The following KCNMA1 variants were observed in gnomAD, a reference collection of about 807,000 sequenced individuals.
The protein encoded by KCNMA1 is Calcium-activated potassium channel subunit alpha-1.
A neutral mutation model predicts 140.0 loss-of-function variants in KCNMA1; 29 were observed. That is an observed-to-expected ratio of 0.21 (90% CI 0.15 to 0.28). The LOEUF is 0.28. KCNMA1 is among the 10% of genes least tolerant of loss of function. The pLI is 1.00. For missense variants in KCNMA1, 880 were observed against 1,602.2 expected, an observed-to-expected ratio of 0.55 and a Z score of 7.70; for synonymous variants, 612 against 611.9, an observed-to-expected ratio of 1.00 and a Z score of 0.00.
At chr10:77,027,701 G>T in intron 16 of KCNMA1, 122 bp downstream of exon 16, 4 of 854,390 alleles carry the variant, frequency 4.7e-6, no homozygotes, top group Admixed American at 1.7e-5. Context: ...GGTCAGAGAG[G>T]TTTTACATCT....
At chr10:77,057,982 T>C (rs2095603111) in intron 14 of KCNMA1, among the ~76,000 whole-genome samples, 1 of 151,860 alleles carries the variant, frequency 6.6e-6, no homozygotes, top group African/African-American at 2.4e-5. Context: ...AGAATCGATT[T>C]TTAAAAAATC....
At chr10:77,001,339 A>G in intron 19 of KCNMA1, 68 bp downstream of exon 19, 3 of 1,424,916 alleles carry the variant, frequency 2.1e-6, no homozygotes, top group Non-Finnish European at 2.9e-6. Flanking sequence ...CACAGGGCAC[A>G]GCACAAGACA....
chr10:77,064,997 G>T (rs2095875641), intron 14 of KCNMA1, among the ~76,000 whole-genome samples: 1 of 152,278 alleles, frequency 6.6e-6, no homozygotes, highest in East Asian at 1.9e-4. Context: ...CAGTAGCAAA[G>T]AAAGAAGTTT....
At chr10:77,270,713 G>T (rs1243357576) in intron 2 of KCNMA1, among the ~76,000 whole-genome samples, 4 of 151,064 alleles carry the variant, frequency 2.6e-5, no homozygotes, top group African/African-American at 9.7e-5. Flanking sequence ...CAGTAGAGTT[G>T]GGGTTTCACT....
At chr10:77,516,444 C>G (rs192273411) in intron 1 of KCNMA1, among the ~76,000 whole-genome samples, 6 of 152,360 alleles carry the variant, frequency 3.9e-5, no homozygotes, top group Admixed American at 3.9e-4. Flanking sequence ...TCTGTCTCCA[C>G]TACTAGACCT....
At chr10:77,607,325 A>C (rs1483924698) in intron 1 of KCNMA1, among the ~76,000 whole-genome samples, 1 of 152,178 alleles carries the variant, frequency 6.6e-6, no homozygotes, top group East Asian at 1.9e-4. Context: ...CTTCCTGCTT[A>C]GCATGCCTCA....
chr10:77,333,155 G>A (rs975919168), intron 2 of KCNMA1, among the ~76,000 whole-genome samples: 1 of 152,156 alleles, frequency 6.6e-6, no homozygotes, highest in Non-Finnish European at 1.5e-5. Context: ...AGATGGCATA[G>A]AGCAGGATGT....
chr10:76,984,310 T>C (rs2080530615), intron 19 of KCNMA1, among the ~76,000 whole-genome samples: 1 of 152,104 alleles, frequency 6.6e-6, no homozygotes, highest in Admixed American at 6.5e-5. Flanking sequence ...CAAGCAACTC[T>C]AGTGTCTCAG....
At chr10:77,156,586 G>T (rs188810845) in intron 5 of KCNMA1, among the ~76,000 whole-genome samples, 2 of 152,282 alleles carry the variant, frequency 1.3e-5, no homozygotes, top group South Asian at 4.1e-4. Flanking sequence ...TAAAACTAAC[G>T]AAAGGCCATA....
chr10:77,037,822 G>A (rs865868870), intron 15 of KCNMA1, among the ~76,000 whole-genome samples: 9 of 152,052 alleles, frequency 5.9e-5, no homozygotes, highest in Non-Finnish European at 1.3e-4. Context: ...GCTTTCCCCC[G>A]GGGCTTTGTA....
chr10:77,456,886 C>T (rs2097770508), intron 1 of KCNMA1, among the ~76,000 whole-genome samples: 1 of 152,198 alleles, frequency 6.6e-6, no homozygotes, highest in Non-Finnish European at 1.5e-5. Context: ...GGACCCTAGA[C>T]CAAGAGTATA....
rs761936116 is a variant in KCNMA1, at chr10:77,079,484, G to A, written c.1590C>T (p.Asn530=). The A allele has an allele frequency of 6.2e-7, 1 of 1,609,212 alleles. No individual in the cohort carries two copies. The highest frequency in any genetic ancestry group is 8.5e-7 in the Non-Finnish European group (1 of 1,175,800). ...GAGCGGGCTCTCGCACTCCTACCTTGTTGTGATACTGCAGCATTTGAGTGA... is the reference window on the plus strand; with the variant it reads ...GAGCGGGCTCTCGCACTCCTACCTTATTGTGATACTGCAGCATTTGAGTGA... The part of the protein sequence containing the change: ...RIITQMLQYH[N]KAHLLNIPSW... Residue 530 remains asparagine (N), a synonymous_variant, in exon 13 of 28, where the codon AAC becomes AAT. Transcript: ENST00000286628.
intron 22 of KCNMA1, among the ~76,000 whole-genome samples, chr10:76,947,396 C>A (rs1328819824): frequency 6.6e-6 from 1 of 151,962 alleles, no homozygotes; most frequent in East Asian, 1.9e-4. Context: ...AGGAAACATA[C>A]ACAAACACAC....
intron 1 of KCNMA1, among the ~76,000 whole-genome samples, chr10:77,483,315 G>C (rs1720340886): frequency 6.6e-6 from 1 of 152,188 alleles, no homozygotes; most frequent in South Asian, 2.1e-4. Flanking sequence ...GCAGTTTTCT[G>C]GAAAAATAGA....
chr10:76,890,906 G>A (rs948920929), intron 26 of KCNMA1, among the ~76,000 whole-genome samples: 3 of 152,234 alleles, frequency 2.0e-5, no homozygotes, highest in Non-Finnish European at 2.9e-5. Flanking sequence ...AGGCATTAAA[G>A]GATCCACATA....
At chr10:77,446,493 G>A (rs1379657494) in intron 1 of KCNMA1, among the ~76,000 whole-genome samples, 1 of 152,200 alleles carries the variant, frequency 6.6e-6, no homozygotes, top group Non-Finnish European at 1.5e-5. Flanking sequence ...GAATGAAAGG[G>A]CCCAGGGAGA....
At chr10:77,577,466 G>T (rs78594672) in intron 1 of KCNMA1, among the ~76,000 whole-genome samples, 2,230 of 152,184 alleles carry the variant, frequency 0.015, 62 homozygotes, top group African/African-American at 0.051. Flanking sequence ...CTCCTTCCAA[G>T]ATCCAGGTTT....
intron 23 of KCNMA1, among the ~76,000 whole-genome samples, chr10:76,918,903 CAT>C (rs1218601529): frequency 7.0e-6 from 1 of 143,796 alleles, no homozygotes; most frequent in Admixed American, 7.4e-5. Flanking sequence ...TACACACACA[CAT>C]ATATATATCA....
At chr10:77,515,654 C>T (rs1235779111) in intron 1 of KCNMA1, among the ~76,000 whole-genome samples, 1 of 152,222 alleles carries the variant, frequency 6.6e-6, no homozygotes, top group African/African-American at 2.4e-5. Context: ...CCCTGCTGTA[C>T]ACCTTGCTGG....
Sources: gnomAD v4.1 joint callset for allele counts (sites outside exome capture counted in the v4.1 genomes callset) on GRCh38, gnomAD v4.1.1 for gene constraint, MANE v1.5 for transcripts, NCBI Gene and HGNC (gene_info 2026-07-23, HGNC 2026-07-21) for gene names.